The following SYNRG variants were observed in gnomAD, a reference collection of about 807,000 sequenced individuals.
SYNRG encodes the protein AP1 gamma subunit binding protein 1.
A neutral mutation model predicts 130.9 loss-of-function variants in SYNRG; 37 were observed. That is an observed-to-expected ratio of 0.28 (90% confidence interval 0.22 to 0.37). The LOEUF is 0.37. Among genes scored for constraint, SYNRG ranks in the 10% least tolerant of loss-of-function variants. SYNRG has a pLI of 1.00. For missense variants in SYNRG, 1,338 were observed against 1,588.9 expected (o/e 0.84, Z 2.68); for synonymous variants, 539 against 568.1 (o/e 0.95, Z 0.73).
At chr17:37,585,261 T>C (rs2146474950) in intron 5 of SYNRG, 64 bp downstream of exon 5, 2 of 1,319,112 alleles carry the variant, frequency 1.5e-6, no homozygotes, top group South Asian at 1.3e-5. Flanking sequence ...ATCCACTCAA[T>C]GAGTGGGAAG....
rs767625322 is a variant in SYNRG, at chr17:37,561,188, A to G, written c.1663+7T>C. ...TAATTTATCCTTTTGAGGACTCAAAAACTTACCTAAAGGTTTATTCTCTGC... is the reference window on the plus strand; with the variant it reads ...TAATTTATCCTTTTGAGGACTCAAAGACTTACCTAAAGGTTTATTCTCTGC... On this transcript the variant is annotated splice_region_variant and intron_variant, in intron 13 of 21. Coordinates refer to ENST00000612223, the MANE Select transcript of SYNRG (RefSeq NM_007247.6). 1 of 1,610,170 alleles carries G rather than the reference A, an allele frequency of 6.2e-7. No individual in the cohort carries two copies. Among genetic ancestry groups the G allele is most frequent in the Non-Finnish European group, 8.5e-7 (1 of 1,178,798 alleles).
chr17:37,554,573 TTAAGAA>T, intron 13 of SYNRG, among the ~76,000 whole-genome samples: 1 of 152,320 alleles, frequency 6.6e-6, no homozygotes, highest in East Asian at 1.9e-4. Context: ...GCCAGGCACT[TTAAGAA>T]TAACATTAGA....
At chr17:37,587,071 A>G (rs1183903428) in intron 3 of SYNRG, among the ~76,000 whole-genome samples, 1 of 152,240 alleles carries the variant, frequency 6.6e-6, no homozygotes, top group African/African-American at 2.4e-5. Flanking sequence ...CATATTCAAT[A>G]AAAAATTACA....
intron 8 of SYNRG, among the ~76,000 whole-genome samples, chr17:37,575,768 G>A (rs527732280): frequency 2.6e-5 from 4 of 151,302 alleles, no homozygotes; most frequent in African/African-American, 9.7e-5. Context: ...CCTGAGCCTG[G>A]GGAGGTCAAG....
At chr17:37,561,880 A>G (rs571153139) in intron 11 of SYNRG, among the ~76,000 whole-genome samples, 136 of 151,646 alleles carry the variant, frequency 9.0e-4, no homozygotes, top group African/African-American at 3.1e-3. Flanking sequence ...TTAAGCCGTA[A>G]TAACAACTGG....
Position 37,553,231 on chromosome 17 carries a change from G to C in SYNRG, c.2492C>G (p.Ala831Gly). 2 of 1,614,008 alleles carry C rather than the reference G, an allele frequency of 1.2e-6. No homozygotes were observed. Among genetic ancestry groups the C allele is most frequent in the Non-Finnish European group, 1.7e-6 (2 of 1,179,990 alleles). The change falls in exon 14 of 22, where the codon GCA becomes GGA. Residue 831 changes from alanine to glycine, a missense_variant. Ala to Gly is a moderately conservative substitution (Grantham distance 60, BLOSUM62 0). Around this residue, in one of 3 missense-constraint regions of SYNRG, gnomAD observed 1,146 missense variants for 1,342.3 expected, o/e 0.85. Transcript: ENST00000612223. ...TTTCATGTCAAACTGAACAGAGAGTGCATCTTCAGAGTCCTCCTTGCCAAC... is the reference window on the plus strand; with the variant it reads ...TTTCATGTCAAACTGAACAGAGAGTCCATCTTCAGAGTCCTCCTTGCCAAC... ...SSVGKEDSEDALSVQFDMKLA... is the reference protein window; with the variant it reads ...SSVGKEDSEDGLSVQFDMKLA...
In SYNRG at chr17:37,515,004, A is replaced by G. The variant is rs2054318837; in HGVS notation, c.*3936T>C. The G allele has an allele frequency of 6.6e-6, 1 of 152,210 alleles. No individual in the cohort carries two copies. The highest frequency in any genetic ancestry group is 1.5e-5 in the Non-Finnish European group (1 of 68,038). The allele number at this position is 152,210 out of a possible 1,614,324, so 9.4% of individuals were successfully genotyped here. A position where few individuals can be genotyped will look rare whatever the true frequency, so the allele number is the denominator to read the frequency against. ...CGAATTCCACATCACGCAGAAGACA[A>G]CGCATTTCGCTAAGGGCCACAGCAT... On this transcript the variant is annotated 3_prime_UTR_variant, in exon 22 of 22. Transcript: ENST00000612223.
At chr17:37,586,694 A>C in intron 3 of SYNRG, 145 bp from the exon 4 acceptor site, 1 of 986,514 alleles carries the variant, frequency 1.0e-6, no homozygotes, top group Non-Finnish European at 1.5e-6. Flanking sequence ...AAAGATGCAA[A>C]TAAATAAAAG....
Position 37,542,445 on chromosome 17 carries a change from GGA to G in SYNRG, c.2727_2728del (p.Pro910IlefsTer27). The G allele has an allele frequency of 6.2e-7, 1 of 1,614,166 alleles. No homozygotes were observed. The highest frequency in any genetic ancestry group is 8.5e-7 in the Non-Finnish European group (1 of 1,180,034). On this transcript the variant is annotated frameshift_variant, in exon 15 of 22. Coordinates refer to ENST00000612223, the MANE Select transcript of SYNRG (RefSeq NM_007247.6). LOFTEE classifies it high-confidence loss of function. ...TCCACTTCCTGCTGAGAGGACAAAT[GGA>G]GAGAGTTTTCTGCCCTGAGTTGCAT...
intron 21 of SYNRG, 94 bp downstream of exon 21, chr17:37,520,085 C>G (rs1291013536): frequency 7.4e-7 from 1 of 1,356,476 alleles, no homozygotes; most frequent in East Asian, 2.3e-5. Flanking sequence ...ATGATTGGAA[C>G]AGTTCAGGAT....
intron 15 of SYNRG, chr17:37,540,870 A>G: frequency 1.0e-6 from 1 of 1,000,270 alleles, no homozygotes; most frequent in Non-Finnish European, 1.2e-6. Context: ...CCTGATCTCA[A>G]GTTATCTGCC....
chr17:37,572,827 C>T (rs1000775060), intron 8 of SYNRG, among the ~76,000 whole-genome samples: 4 of 152,138 alleles, frequency 2.6e-5, no homozygotes, highest in Middle Eastern at 3.2e-3. Flanking sequence ...TTGACAATAA[C>T]ATGGGTTTTC....
chr17:37,540,615 T>A, intron 15 of SYNRG, 72 bp from the exon 16 acceptor site: 1 of 1,266,516 alleles, frequency 7.9e-7, no homozygotes, highest in Non-Finnish European at 1.1e-6. Context: ...TCTTCCTCGC[T>A]ACCACAACCC....
intron 14 of SYNRG, among the ~76,000 whole-genome samples, chr17:37,545,888 C>T (rs776142104): frequency 7.2e-5 from 11 of 152,136 alleles, no homozygotes; most frequent in Non-Finnish European, 1.5e-4. Flanking sequence ...AACACCAGTA[C>T]TGATGGTACA....
chr17:37,549,883 T>C (rs538015691), intron 14 of SYNRG, among the ~76,000 whole-genome samples: 1 of 152,284 alleles, frequency 6.6e-6, no homozygotes, highest in East Asian at 1.9e-4. Flanking sequence ...TGAGCCACCG[T>C]GCCCGGATGA....
At chr17:37,549,397 T>C (rs556930139) in intron 14 of SYNRG, among the ~76,000 whole-genome samples, 93 of 152,304 alleles carry the variant, frequency 6.1e-4, no homozygotes, top group African/African-American at 2.1e-3. Context: ...CCACATTTCA[T>C]TGGTCCTTCT....
intron 15 of SYNRG, 157 bp downstream of exon 15, chr17:37,541,814 GA>G: frequency 2.7e-6 from 2 of 740,902 alleles, no homozygotes; most frequent in Non-Finnish European, 4.3e-6. Flanking sequence ...CCGTCTCAGG[GA>G]AATCTTTATT....
intron 6 of SYNRG, among the ~76,000 whole-genome samples, chr17:37,583,266 T>C (rs1445815670): frequency 1.3e-5 from 2 of 152,206 alleles, no homozygotes; most frequent in Non-Finnish European, 2.9e-5. Context: ...GGTCTAGTTT[T>C]AGTATTAACT....
In SYNRG at chr17:37,539,322, T is replaced by C. The variant is rs17138626; in HGVS notation, c.3367-77A>G. ...TATTGATGACTCTGTCAATTCAAAG[T>C]GCTTGGAGGACTTTCCTTTTTATTA... On this transcript the variant is annotated intron_variant, in intron 16 of 21. Transcript: ENST00000612223. The C allele has an allele frequency of 9.2e-4, 1,341 of 1,463,406 alleles. 12 individuals are homozygous for C. In the African/African-American group the frequency reaches 0.016, roughly 17 times the overall value. 90.7% of individuals were successfully genotyped at this position (1,463,406 alleles called of 1,614,324 possible).
Sources: allele counts gnomAD v4.1 joint callset (sites outside exome capture counted in the v4.1 genomes callset), GRCh38; gene constraint gnomAD v4.1.1; regional missense constraint gnomAD v4.1.1; transcripts MANE v1.5; gene names NCBI Gene and HGNC (gene_info 2026-07-23, HGNC 2026-07-21).